Variants in CDCA2 observed in about 807,000 individuals in gnomAD.
CDCA2 encodes the protein cell division cycle associated 2.
CDCA2 carries 44 observed loss-of-function variants against 67.0 expected under a neutral mutation model. The observed-to-expected ratio is 0.66, with a 90% confidence interval of 0.52 to 0.84. The LOEUF is 0.84. Ranked by LOEUF, CDCA2 falls within the 40% of genes least tolerant of loss-of-function variation. The pLI is 0.00. For missense variants in CDCA2, 1,253 were observed against 1,203.2 expected (o/e 1.04, Z -0.61); for synonymous variants, 447 against 418.7 (o/e 1.07, Z -0.82).
chr8:25,501,015 T>C (rs751739514), intron 13 of CDCA2, among the ~76,000 whole-genome samples: 3 of 152,220 alleles, frequency 2.0e-5, no homozygotes, highest in Non-Finnish European at 4.4e-5. Context: ...GATTTTTCTT[T>C]TCTCTTGGCT....
chr8:25,484,683 C>G (rs1586500103), intron 10 of CDCA2, among the ~76,000 whole-genome samples: 1 of 151,570 alleles, frequency 6.6e-6, no homozygotes, highest in African/African-American at 2.4e-5. Context: ...CCTCAACCTC[C>G]CAGGCTCAAG....
chr8:25,487,407 A>G, intron 12 of CDCA2, 73 bp downstream of exon 12: 1 of 936,512 alleles, frequency 1.1e-6, no homozygotes, highest in Non-Finnish European at 1.7e-6. Context: ...TCATGGCCAA[A>G]TGATAATGGG....
Position 25,488,707 on chromosome 8 carries a change from GATATA to G in CDCA2, c.1671+22_1671+26del. On this transcript the variant is annotated intron_variant, in intron 13 of 14. Transcript: ENST00000330560. ...AGAGTCAGGTAAGCATGTGTTTAAA[GATATA>G]ATAAAGAGTAGAAGTGGTGTGTTTC... is the stretch of plus-strand genomic sequence containing the variant. 2 of 1,573,326 alleles carry G rather than the reference GATATA, an allele frequency of 1.3e-6. No homozygotes were observed. The highest frequency in any genetic ancestry group is 8.6e-7 in the Non-Finnish European group (1 of 1,165,594).
chr8:25,480,957 C>A (rs1240757314), intron 8 of CDCA2, among the ~76,000 whole-genome samples: 1 of 152,166 alleles, frequency 6.6e-6, no homozygotes, highest in Admixed American at 6.5e-5. Flanking sequence ...GTGTCTGGCA[C>A]TTCAGAAATA....
intron 4 of CDCA2, among the ~76,000 whole-genome samples, chr8:25,465,956 C>T (rs1016169344): frequency 6.6e-6 from 1 of 152,182 alleles, no homozygotes; most frequent in Non-Finnish European, 1.5e-5. Flanking sequence ...TCCATATAAT[C>T]TTAGGCTGGC....
At chr8:25,485,207 A>AATT (rs1803725051) in intron 10 of CDCA2, among the ~76,000 whole-genome samples, 1 of 50,860 alleles carries the variant, frequency 2.0e-5, no homozygotes, top group African/African-American at 5.0e-5. Context: ...TAATAATAAT[A>AATT]ATAAAGAAAA....
At chr8:25,477,202 A>G (rs1297926362) in intron 7 of CDCA2, among the ~76,000 whole-genome samples, 1 of 152,172 alleles carries the variant, frequency 6.6e-6, no homozygotes, top group East Asian at 1.9e-4. Flanking sequence ...ATGTCTTAGC[A>G]GCACTATGGA....
intron 7 of CDCA2, 94 bp from the exon 8 acceptor site, chr8:25,479,819 C>A: frequency 1.8e-6 from 2 of 1,139,014 alleles, no homozygotes; most frequent in Non-Finnish European, 2.6e-6. Context: ...TTCTTCATAG[C>A]ATGTTATTAT....
Position 25,507,237 on chromosome 8 carries a change from C to T in CDCA2, c.2571C>T (p.Gly857=), listed in dbSNP as rs1229947232. 1 of 1,614,114 alleles carries T rather than the reference C, an allele frequency of 6.2e-7. No homozygotes were observed. Residue 857 remains glycine, a synonymous_variant, in exon 15 of 15, where the codon GGC becomes GGT. Coordinates refer to ENST00000330560, the MANE Select transcript of CDCA2 (RefSeq NM_152562.4). ...NGNHTPSSSV[G]SSVEISLENS... ...ATCACACACCATCCTCCAGTGTGGG[C>T]AGCTCTGTAGAAATTAGTTTAGAAA...
chr8:25,491,998 A>G (rs546371374), intron 13 of CDCA2, among the ~76,000 whole-genome samples: 5 of 147,622 alleles, frequency 3.4e-5, no homozygotes, highest in Admixed American at 1.3e-4. Context: ...GGGTTTCACT[A>G]TGTTAGCCAG....
chr8:25,488,360 G>A (rs1246062330), intron 12 of CDCA2, among the ~76,000 whole-genome samples, 192 bp from the exon 13 acceptor site: 1 of 152,142 alleles, frequency 6.6e-6, no homozygotes, highest in Non-Finnish European at 1.5e-5. Context: ...GTCTGCATTT[G>A]ATAGTTCAGA....
chr8:25,480,592 A>T (rs2117510409), intron 8 of CDCA2, among the ~76,000 whole-genome samples: 1 of 152,290 alleles, frequency 6.6e-6, no homozygotes, highest in South Asian at 2.1e-4. Context: ...AGTTGATGGG[A>T]ACTAGCTGGC....
chr8:25,469,044 C>G (rs148217497), intron 6 of CDCA2, among the ~76,000 whole-genome samples: 6 of 152,236 alleles, frequency 3.9e-5, no homozygotes, highest in Admixed American at 1.3e-4. Flanking sequence ...ATCAGTTGAC[C>G]TGCGCGCACG....
intron 7 of CDCA2, 170 bp from the exon 8 acceptor site, chr8:25,479,743 C>G: frequency 1.6e-6 from 1 of 639,556 alleles, no homozygotes; most frequent in Non-Finnish European, 2.7e-6. Flanking sequence ...GCTTCTTTAC[C>G]TCCTTTTCTG....
chr8:25,500,046 G>A (rs907032221), intron 13 of CDCA2, among the ~76,000 whole-genome samples: 2 of 152,184 alleles, frequency 1.3e-5, no homozygotes, highest in African/African-American at 4.8e-5. Context: ...GAGAGGTGGG[G>A]TGGTAATATA....
intron 1 of CDCA2, 128 bp from the exon 2 acceptor site, chr8:25,460,112 A>C: frequency 2.4e-6 from 2 of 831,058 alleles, no homozygotes; most frequent in African/African-American, 1.7e-5. Context: ...ATAAAAAATG[A>C]AACCTGTGAC....
chr8:25,489,545 ACACT>A (rs1803920287), intron 13 of CDCA2, among the ~76,000 whole-genome samples: 1 of 152,150 alleles, frequency 6.6e-6, no homozygotes, highest in African/African-American at 2.4e-5. Context: ...GCCCCTAGAG[ACACT>A]CACACAGGAG....
chr8:25,460,882 C>T (rs919761805), intron 3 of CDCA2, among the ~76,000 whole-genome samples: 3 of 152,134 alleles, frequency 2.0e-5, no homozygotes, highest in African/African-American at 7.2e-5. Flanking sequence ...AGTAATAATG[C>T]ATTTTGTTTT....
chr8:25,461,271 A>AAAAAAAAAAAAAAAAAAAC, intron 3 of CDCA2, among the ~76,000 whole-genome samples: 1 of 33,366 alleles, frequency 3.0e-5, no homozygotes, highest in Non-Finnish European at 1.0e-4. Context: ...CTGTCTCCAA[A>AAAAAAAAAAAAAAAAAAAC]AAAAAAAAAA....
Sources: allele counts gnomAD v4.1 joint callset (sites outside exome capture counted in the v4.1 genomes callset), GRCh38; gene constraint gnomAD v4.1.1; transcripts MANE v1.5; gene names NCBI Gene and HGNC (gene_info 2026-07-23, HGNC 2026-07-21).